ZNF469: variants seen among roughly 807,000 people sequenced by gnomAD.
ZNF469 encodes the protein zinc finger protein 469.
ZNF469 carries 1 observed loss-of-function variant against 1.0 expected under a neutral mutation model. The observed-to-expected ratio is 1.00, with a 90% CI of 0.35 to 4.73. The LOEUF is 4.73. ZNF469 is among the 30% of genes most tolerant of loss of function. ZNF469 has a pLI of 0.16. For missense variants in ZNF469, 6,100 were observed against 5,356.3 expected, an observed-to-expected ratio of 1.14 and a Z score of -4.33; for synonymous variants, 2,703 against 2,363.4, an observed-to-expected ratio of 1.14 and a Z score of -4.17.
chr16:88,272,457 GATGA>G, the ZNF469 span, among the ~76,000 whole-genome samples: 6 of 134,322 alleles, frequency 4.5e-5, no homozygotes, highest in Non-Finnish European at 6.7e-5. Flanking sequence ...TGGTGAGATA[GATGA>G]ATGAACAGGG....
the ZNF469 span, among the ~76,000 whole-genome samples, chr16:88,121,967 A>G: frequency 1.3e-5 from 2 of 152,126 alleles, no homozygotes; most frequent in African/African-American, 4.8e-5. Flanking sequence ...ACAGAAGCCA[A>G]ATAAACAGTG....
At chr16:88,241,385 C>A in the ZNF469 span, among the ~76,000 whole-genome samples, 1 of 150,150 alleles carries the variant, frequency 6.7e-6, no homozygotes, top group Non-Finnish European at 1.5e-5. This position sits in a 1 kb window ranked among gnomAD's most constrained non-coding sequence, Gnocchi z 4.8. Context: ...CCTATTGTCA[C>A]ATGAAAAGTT....
the ZNF469 span, among the ~76,000 whole-genome samples, chr16:88,132,085 C>G: frequency 3.3e-5 from 5 of 152,226 alleles, no homozygotes; most frequent in African/African-American, 1.2e-4. Context: ...TCCGATGCTT[C>G]GTGGCCACTC....
chr16:88,386,805 G>A (rs1904341594), intron 1 of ZNF469, among the ~76,000 whole-genome samples: 2 of 152,192 alleles, frequency 1.3e-5, no homozygotes, highest in Admixed American at 1.3e-4. Context: ...GACAGAGCGT[G>A]GTGGAAGGCA....
intron 1 of ZNF469, among the ~76,000 whole-genome samples, chr16:88,402,039 G>C (rs556126758): frequency 0.018 from 2,772 of 150,880 alleles, 77 homozygotes; most frequent in African/African-American, 0.064. Context: ...TGGGTAGATG[G>C]ATGGGTGAGT....
intron 1 of ZNF469, among the ~76,000 whole-genome samples, chr16:88,387,988 G>A (rs536128426): frequency 6.6e-5 from 10 of 152,254 alleles, no homozygotes; most frequent in Admixed American, 1.3e-4. Context: ...CAGCCACACC[G>A]CCAGGACAGG....
the ZNF469 span, among the ~76,000 whole-genome samples, chr16:88,176,834 A>C: frequency 2.0e-5 from 3 of 152,350 alleles, no homozygotes; most frequent in South Asian, 6.2e-4. Flanking sequence ...AGGCCTTGAG[A>C]GGAGAGACAA....
At chr16:88,356,013 TGAG>T in the ZNF469 span, among the ~76,000 whole-genome samples, 3 of 152,160 alleles carry the variant, frequency 2.0e-5, no homozygotes, top group East Asian at 1.9e-4. Flanking sequence ...TGAGGCCCTC[TGAG>T]GAGGAGAGGA....
At chr16:88,141,414 C>T in the ZNF469 span, among the ~76,000 whole-genome samples, 4 of 145,574 alleles carry the variant, frequency 2.7e-5, 1 homozygote, top group Admixed American at 1.4e-4. Context: ...AATGCTCAGC[C>T]TGGGAAAGAG....
chr16:88,227,293 G>A, the ZNF469 span, among the ~76,000 whole-genome samples: 1 of 152,216 alleles, frequency 6.6e-6, no homozygotes, highest in African/African-American at 2.4e-5. Flanking sequence ...AGCACAGGAA[G>A]AGAGAGGAAG....
chr16:88,409,683 A>G (rs1567503553), intron 1 of ZNF469, among the ~76,000 whole-genome samples: 2 of 152,210 alleles, frequency 1.3e-5, no homozygotes, highest in Non-Finnish European at 2.9e-5. Context: ...GAGACGAAAA[A>G]TGCATGTGTT....
At chr16:88,322,408 C>T in the ZNF469 span, among the ~76,000 whole-genome samples, 1 of 152,250 alleles carries the variant, frequency 6.6e-6, no homozygotes, top group Non-Finnish European at 1.5e-5. Flanking sequence ...GTCTCGGGAG[C>T]CCCGCCCTGC....
chr16:88,436,932 C>G lies in ZNF469; in HGVS notation c.9462C>G (p.Gly3154=). The change falls in exon 3 of 3, where the codon GGC becomes GGG. Residue 3154 remains glycine (G), a synonymous_variant. Transcript: ENST00000565624. ...TCYMCVERRF[G]SRELLRGHLQ... ...ACATGTGCGTGGAGCGCAGGTTTGG[C>G]TCGCGGGAGCTGCTGCGGGGGCACC... 1.3e-6 allele frequency: 2 copies of G among 1,492,632 alleles called. No homozygotes were observed. Among genetic ancestry groups the G allele is most frequent in the Non-Finnish European group, 1.8e-6 (2 of 1,122,490 alleles). The allele number at this position is 1,492,632 out of a possible 1,614,324, so 92.5% of individuals were successfully genotyped here.
At chr16:88,331,542 C>CCAT in the ZNF469 span, among the ~76,000 whole-genome samples, 1 of 150,430 alleles carries the variant, frequency 6.6e-6, no homozygotes, top group Non-Finnish European at 1.5e-5. Context: ...ACTATCATCA[C>CCAT]CATCACCACC....
chr16:88,250,867 G>A, the ZNF469 span, among the ~76,000 whole-genome samples: 1 of 152,014 alleles, frequency 6.6e-6, no homozygotes, highest in Non-Finnish European at 1.5e-5. Context: ...CCTGTTCGGG[G>A]TTTTTCCGTT....
chr16:88,260,489 C>T, the ZNF469 span, among the ~76,000 whole-genome samples: 3 of 152,218 alleles, frequency 2.0e-5, no homozygotes, highest in Non-Finnish European at 2.9e-5. This position sits in a 1 kb window ranked among gnomAD's most constrained non-coding sequence, Gnocchi z 4.1. Context: ...GGTCTGGGTG[C>T]ACACACGTGT....
the ZNF469 span, among the ~76,000 whole-genome samples, chr16:88,270,435 G>C: frequency 6.6e-6 from 1 of 152,194 alleles, no homozygotes; most frequent in Non-Finnish European, 1.5e-5. Flanking sequence ...TGCCTGGAGG[G>C]TATGGAAAAT....
intron 1 of ZNF469, among the ~76,000 whole-genome samples, chr16:88,391,669 C>A (rs972204359): frequency 6.6e-6 from 1 of 152,204 alleles, no homozygotes; most frequent in Non-Finnish European, 1.5e-5. Context: ...GGGAGCAGTG[C>A]GGTCTGTGGC....
At chr16:88,303,642 G>A in the ZNF469 span, among the ~76,000 whole-genome samples, 1 of 152,206 alleles carries the variant, frequency 6.6e-6, no homozygotes, top group Non-Finnish European at 1.5e-5. Flanking sequence ...CAGTGGGGCT[G>A]ATGGCTCCGG....
Sources: allele counts gnomAD v4.1 joint callset (sites outside exome capture counted in the v4.1 genomes callset), GRCh38; gene constraint gnomAD v4.1.1; non-coding constraint Gnocchi (gnomAD v3.1); transcripts MANE v1.5; gene names NCBI Gene and HGNC (gene_info 2026-07-23, HGNC 2026-07-21).